The following DLGAP2 variants were observed in gnomAD, a reference collection of about 807,000 sequenced individuals.
DLGAP2 encodes the protein DLG associated protein 2, also known as disks large-associated protein 2.
Under a neutral mutation model 100.3 loss-of-function variants are expected in DLGAP2, and 26 were observed. The ratio of observed to expected loss-of-function variants is 0.26; its 90% CI spans 0.19 to 0.36. The LOEUF (loss-of-function observed/expected upper bound fraction) is 0.36, where lower values mean the gene tolerates loss of function less well. Among genes scored for constraint, DLGAP2 ranks in the 10% least tolerant of loss-of-function variants. DLGAP2 has a pLI of 1.00. For synonymous variants in DLGAP2, 886 were observed against 630.1 expected, an observed-to-expected ratio of 1.41 and a Z score of -6.08; for missense variants, 1,858 against 1,453.2, an observed-to-expected ratio of 1.28 and a Z score of -4.53.
chr8:1,075,900 CA>C (rs36036928), intron 2 of DLGAP2, among the ~76,000 whole-genome samples: 53,024 of 149,594 alleles, frequency 0.35, 9,329 homozygotes, highest in Middle Eastern at 0.38. Flanking sequence ...GACCTCATCT[CA>C]AAAAAAATAA....
At chr8:774,142 T>A (rs1409677881) in intron 1 of DLGAP2, among the ~76,000 whole-genome samples, 1 of 152,224 alleles carries the variant, frequency 6.6e-6, no homozygotes, top group Non-Finnish European at 1.5e-5. Flanking sequence ...TGCATAAATG[T>A]CTTCTTTTGA....
chr8:853,606 G>A (rs2128988160), intron 1 of DLGAP2, among the ~76,000 whole-genome samples: 1 of 152,302 alleles, frequency 6.6e-6, no homozygotes. Flanking sequence ...CGACATCCAA[G>A]TTCTCAGATA....
intron 2 of DLGAP2, among the ~76,000 whole-genome samples, chr8:1,173,938 A>G (rs912360568): frequency 3.3e-5 from 5 of 152,186 alleles, no homozygotes; most frequent in African/African-American, 1.2e-4. Flanking sequence ...CTGGTACCTC[A>G]GATGGAAATG....
rs578223295 is a variant in DLGAP2 at position 1,235,462 on chromosome 8, A to G, written c.74-23389A>G. ...ATGGCGTCGTGTCTAGTTCCCTCTC[A>G]CATGTTGCCGTGTCTAGTTCTCTAT... On this transcript the variant is annotated intron_variant, in intron 2 of 14. Transcript: ENST00000637795. Among the ~76,000 whole-genome samples, 241 of 151,510 alleles carry G rather than the reference A, an allele frequency of 1.6e-3. 2 individuals carry two copies. The highest frequency in any genetic ancestry group is 4.7e-3 in the African/African-American group (195 of 41,200).
intron 2 of DLGAP2, among the ~76,000 whole-genome samples, chr8:1,132,670 G>C (rs1275908199): frequency 6.6e-6 from 1 of 152,220 alleles, no homozygotes; most frequent in Non-Finnish European, 1.5e-5. Context: ...ACTGGGCAAG[G>C]AGACCAGGCA....
intron 2 of DLGAP2, among the ~76,000 whole-genome samples, chr8:1,098,588 A>G (rs964128887): frequency 3.4e-5 from 5 of 147,468 alleles, no homozygotes; most frequent in Admixed American, 6.7e-5. Context: ...GCCGCGACCC[A>G]CACCAGGCTC....
intron 2 of DLGAP2, among the ~76,000 whole-genome samples, chr8:1,182,440 A>G (rs1797410283): frequency 1.3e-5 from 2 of 152,186 alleles, no homozygotes. Context: ...CACACGTGTG[A>G]TGTCTGCATG....
intron 1 of DLGAP2, among the ~76,000 whole-genome samples, chr8:883,648 G>C (rs1797861396): frequency 6.6e-6 from 1 of 151,260 alleles, no homozygotes; most frequent in Non-Finnish European, 1.5e-5. Context: ...CGGGTGCCGC[G>C]GCGGTTCGTT....
chr8:1,024,557 G>T (rs897332728), intron 2 of DLGAP2, among the ~76,000 whole-genome samples: 1 of 152,194 alleles, frequency 6.6e-6, no homozygotes, highest in East Asian at 1.9e-4. Context: ...CTCTTCCCCC[G>T]CTGTGCCCTC....
chr8:1,631,319 A>G (rs1265304920), intron 7 of DLGAP2, among the ~76,000 whole-genome samples: 2 of 152,084 alleles, frequency 1.3e-5, no homozygotes, highest in Non-Finnish European at 2.9e-5. Flanking sequence ...GGCTTACAGA[A>G]GGGTGTCCAC....
At chr8:904,592 G>A (rs547518749) in intron 1 of DLGAP2, among the ~76,000 whole-genome samples, 1 of 152,194 alleles carries the variant, frequency 6.6e-6, no homozygotes, top group Admixed American at 6.5e-5. Flanking sequence ...TCTTCTCCAC[G>A]TTCTGTGATT....
intron 2 of DLGAP2, among the ~76,000 whole-genome samples, chr8:1,013,073 C>T (rs1019959812): frequency 7.9e-5 from 12 of 152,132 alleles, no homozygotes; most frequent in African/African-American, 2.7e-4. Context: ...TCCAGCCCTC[C>T]GGCCCCTGGG....
At chr8:1,219,832 A>G (rs1186305017) in intron 2 of DLGAP2, among the ~76,000 whole-genome samples, 1 of 151,944 alleles carries the variant, frequency 6.6e-6, no homozygotes, top group Non-Finnish European at 1.5e-5. Context: ...TCCTGGTTCA[A>G]TCTTGGGAGA....
chr8:1,579,557 A>G (rs1345219196), intron 6 of DLGAP2, among the ~76,000 whole-genome samples: 1 of 152,164 alleles, frequency 6.6e-6, no homozygotes, highest in Non-Finnish European at 1.5e-5. Context: ...AAATGTTTAT[A>G]TTTTTAATAT....
chr8:1,154,140 T>G (rs1299651559), intron 2 of DLGAP2, among the ~76,000 whole-genome samples: 5 of 152,120 alleles, frequency 3.3e-5, no homozygotes, highest in African/African-American at 1.2e-4. Flanking sequence ...ACCAGATGGC[T>G]TCATGTGGAT....
At chr8:1,647,710 G>C in intron 8 of DLGAP2, among the ~76,000 whole-genome samples, 1 of 152,100 alleles carries the variant, frequency 6.6e-6, no homozygotes, top group Non-Finnish European at 1.5e-5. Context: ...GGCTGCAGGA[G>C]CTGCCAGTCC....
chr8:1,188,005 G>A (rs1412195181), intron 2 of DLGAP2, among the ~76,000 whole-genome samples: 11 of 121,358 alleles, frequency 9.1e-5, no homozygotes, highest in East Asian at 4.6e-4. Context: ...TTTGCCTCAC[G>A]GAATCTCACA....
chr8:1,240,313 G>T (rs1462970675), intron 2 of DLGAP2, among the ~76,000 whole-genome samples: 1 of 136,226 alleles, frequency 7.3e-6, no homozygotes, highest in Non-Finnish European at 1.6e-5. Flanking sequence ...CTCTCACATG[G>T]TGCTGTGTCT....
chr8:1,374,103 A>AAGGCTGTGTGGT (rs1280143925), intron 3 of DLGAP2, among the ~76,000 whole-genome samples: 1,426 of 88,360 alleles, frequency 0.016, 36 homozygotes, highest in East Asian at 0.071. Flanking sequence ...AGGTTTGCAG[A>AAGGCTGTGTGGT]GGACTGTGTG....
Sources: allele counts gnomAD v4.1 joint callset (sites outside exome capture counted in the v4.1 genomes callset), GRCh38; gene constraint gnomAD v4.1.1; transcripts MANE v1.5; gene names NCBI Gene and HGNC (gene_info 2026-07-23, HGNC 2026-07-21).